The following LARP4B variants were observed in gnomAD, a reference collection of about 807,000 sequenced individuals.
LARP4B encodes La ribonucleoprotein 4B.
A neutral mutation model predicts 89.8 loss-of-function variants in LARP4B; 12 were observed. The ratio of observed to expected loss-of-function variants is 0.13; its 90% CI spans 0.09 to 0.22. The LOEUF (loss-of-function observed/expected upper bound fraction) is 0.22, where lower values mean the gene tolerates loss of function less well. Among genes scored for constraint, LARP4B ranks in the 10% least tolerant of loss-of-function variants. The pLI, the probability that LARP4B is intolerant of heterozygous loss-of-function variation, is 1.00. For synonymous variants in LARP4B, 367 were observed against 363.3 expected (o/e 1.01, Z -0.12); for missense variants, 757 against 947.7 (o/e 0.80, Z 2.64).
At chr10:869,857 C>T (rs1045847050) in intron 3 of LARP4B, among the ~76,000 whole-genome samples, 4 of 150,250 alleles carry the variant, frequency 2.7e-5, no homozygotes, top group Non-Finnish European at 5.9e-5. Flanking sequence ...GCTGAGATCA[C>T]GCCACTGCAA....
chr10:966,577 G>A, the LARP4B span, among the ~76,000 whole-genome samples: 4 of 152,276 alleles, frequency 2.6e-5, no homozygotes, highest in Non-Finnish European at 5.9e-5. Context: ...AAGGCTGGTG[G>A]AGCTGCAGGC....
At position 884,499 on chromosome 10, in the gene LARP4B, C is replaced by T; in HGVS notation, c.89G>A (p.Gly30Asp). ...EGKDSAHLMN[G>D]PISQTTSQTS... ...CTGAGAAGTGGTTTGAGATATAGGACCATTCATCTGTAAAATTGAAAACAA... is the reference window on the plus strand; with the variant it reads ...CTGAGAAGTGGTTTGAGATATAGGATCATTCATCTGTAAAATTGAAAACAA... Residue 30 changes from glycine to aspartate, a missense_variant, in exon 3 of 18, where the codon GGT (glycine) becomes GAT (aspartate). Coordinates refer to ENST00000316157, the MANE Select transcript of LARP4B (RefSeq NM_015155.3). 1 of 1,598,034 alleles carries T rather than the reference C, an allele frequency of 6.3e-7. No homozygotes were observed. The highest frequency in any genetic ancestry group is 8.6e-7 in the Non-Finnish European group (1 of 1,165,862).
At chr10:900,171 C>T (rs773724903) in intron 1 of LARP4B, among the ~76,000 whole-genome samples, 21 of 152,050 alleles carry the variant, frequency 1.4e-4, no homozygotes, top group South Asian at 2.1e-4. Context: ...CATGATGAAA[C>T]CCCGTCTCTC....
intron 3 of LARP4B, among the ~76,000 whole-genome samples, chr10:867,286 G>C (rs531660584): frequency 6.6e-6 from 1 of 152,266 alleles, no homozygotes; most frequent in South Asian, 2.1e-4. Context: ...TCCTTGTACT[G>C]AATCAGAACA....
intron 8 of LARP4B, among the ~76,000 whole-genome samples, chr10:835,228 A>G (rs914183286): frequency 2.6e-5 from 4 of 152,224 alleles, no homozygotes; most frequent in Non-Finnish European, 5.9e-5. Context: ...CTATGAGAGT[A>G]ATAGAATTTC....
chr10:932,848 G>C (rs1830691429), upstream of LARP4B, among the ~76,000 whole-genome samples: 1 of 114,774 alleles, frequency 8.7e-6, no homozygotes. Flanking sequence ...CCTCGGCTCA[G>C]CCCCGGAATC....
intron 3 of LARP4B, among the ~76,000 whole-genome samples, chr10:876,029 C>A (rs1416069108): frequency 1.3e-5 from 2 of 152,180 alleles, no homozygotes; most frequent in Non-Finnish European, 2.9e-5. Context: ...CTCTCCAGCC[C>A]TGAGTGTTGA....
chr10:864,205 A>G lies in LARP4B; in HGVS notation c.207T>C (p.His69=). Residue 69 remains histidine (H), a synonymous_variant, in exon 4 of 18, where the codon CAT becomes CAC. Coordinates refer to ENST00000316157, the MANE Select transcript of LARP4B (RefSeq NM_015155.3). ...NAEVWGAPVL[H]LEASSAADGV... ...CGTCAGCAGCACTGCTTGCTTCCAG[A>G]TGTAACACAGGAGCCCCCCACACTT... 1.2e-6 allele frequency: 2 copies of G among 1,614,220 alleles called. No individual in the cohort carries two copies. The highest frequency in any genetic ancestry group is 1.7e-6 in the Non-Finnish European group (2 of 1,180,032).
chr10:931,307 G>A (rs1440180817), intron 1 of LARP4B, 121 bp downstream of exon 1: 2 of 152,090 alleles, frequency 1.3e-5, no homozygotes, highest in East Asian at 1.9e-4. Context: ...CCCCGGCCCA[G>A]GCCCGGCCCT....
chr10:808,724 C>CGTGTGT (rs144069236), downstream of LARP4B: 19 of 147,666 alleles, frequency 1.3e-4, no homozygotes, highest in East Asian at 2.0e-3. Flanking sequence ...GGATTAAAAG[C>CGTGTGT]GTGTGTGTGT....
At chr10:827,040 CAAGGGG>C (rs1383829458) in intron 11 of LARP4B, among the ~76,000 whole-genome samples, 3 of 152,084 alleles carry the variant, frequency 2.0e-5, no homozygotes, top group African/African-American at 7.2e-5. Context: ...TTTGGGAGGC[CAAGGGG>C]GGGCGGATCA....
intron 7 of LARP4B, 94 bp downstream of exon 7, chr10:842,838 C>T (rs1833590390): frequency 6.0e-6 from 7 of 1,171,910 alleles, no homozygotes; most frequent in African/African-American, 1.5e-5. Flanking sequence ...CATCAAGGAC[C>T]TTAACGTTTG....
At chr10:816,228 T>C (rs1832048812) in intron 15 of LARP4B, among the ~76,000 whole-genome samples, 1 of 152,168 alleles carries the variant, frequency 6.6e-6, no homozygotes. Flanking sequence ...GACTCTATCT[T>C]AAATAAACAA....
chr10:929,902 T>C (rs1837252903), intron 1 of LARP4B, among the ~76,000 whole-genome samples: 1 of 152,226 alleles, frequency 6.6e-6, no homozygotes, highest in Admixed American at 6.5e-5. Flanking sequence ...GTTAATCTGA[T>C]GCCTTTCGGA....
chr10:985,224 T>C, the LARP4B span: 19 of 152,166 alleles, frequency 1.2e-4, no homozygotes, highest in African/African-American at 4.6e-4. Flanking sequence ...ATTGCAGTTG[T>C]TAAGGTTCAA....
chr10:851,855 A>G (rs1459957765), intron 5 of LARP4B, among the ~76,000 whole-genome samples: 1 of 152,142 alleles, frequency 6.6e-6, no homozygotes, highest in Non-Finnish European at 1.5e-5. Context: ...GCTTGAGCTC[A>G]GGAGTTTGGA....
At chr10:836,194 T>C (rs764053926) in intron 8 of LARP4B, among the ~76,000 whole-genome samples, 14 of 152,198 alleles carry the variant, frequency 9.2e-5, no homozygotes, top group Non-Finnish European at 2.1e-4. Flanking sequence ...CACTATCTTA[T>C]TATAAGGAGT....
At chr10:969,719 ACT>A in the LARP4B span, among the ~76,000 whole-genome samples, 36 of 152,124 alleles carry the variant, frequency 2.4e-4, no homozygotes, top group African/African-American at 7.7e-4. Flanking sequence ...GCACAGCAAG[ACT>A]CTGTCTCAAA....
intron 3 of LARP4B, among the ~76,000 whole-genome samples, chr10:875,008 C>A (rs1039367966): frequency 6.6e-6 from 1 of 152,148 alleles, no homozygotes; most frequent in Non-Finnish European, 1.5e-5. Flanking sequence ...AAATGAGGCA[C>A]CAAGAACTTT....
Sources: gnomAD v4.1 joint callset for allele counts (sites outside exome capture counted in the v4.1 genomes callset) on GRCh38, gnomAD v4.1.1 for gene constraint, MANE v1.5 for transcripts, NCBI Gene and HGNC (gene_info 2026-07-23, HGNC 2026-07-21) for gene names.